The following MYO3A variants were observed in gnomAD, a reference collection of about 807,000 sequenced individuals.
MYO3A encodes the protein myosin IIIA, also known as myosin-IIIa.
Under a neutral mutation model 192.7 loss-of-function variants are expected in MYO3A, and 180 were observed. That is an observed-to-expected ratio of 0.93 (90% confidence interval 0.83 to 1.06). MYO3A has a LOEUF of 1.06. Among genes scored for constraint, MYO3A ranks in the 50% least tolerant of loss-of-function variants. The probability of loss-of-function intolerance (pLI) is 0.00; values close to 1 mark genes in which losing one functional copy is unlikely to be tolerated. For missense variants in MYO3A, 1,896 were observed against 1,905.0 expected (o/e 1.00, Z 0.09); for synonymous variants, 628 against 645.3 (o/e 0.97, Z 0.41).
At chr10:26,159,363 C>CTT (rs60037752) in intron 26 of MYO3A, among the ~76,000 whole-genome samples, 1 of 128,300 alleles carries the variant, frequency 7.8e-6, no homozygotes. Flanking sequence ...TTTTCTTTTT[C>CTT]TTTTTTTTTT....
chr10:25,935,198 G>A (rs898053872), intron 1 of MYO3A, among the ~76,000 whole-genome samples: 1 of 152,204 alleles, frequency 6.6e-6, no homozygotes, highest in African/African-American at 2.4e-5. Flanking sequence ...GACAAGAAAA[G>A]TATGATCATT....
intron 10 of MYO3A, among the ~76,000 whole-genome samples, chr10:26,059,894 G>C (rs896191559): frequency 6.6e-6 from 1 of 152,182 alleles, no homozygotes; most frequent in Non-Finnish European, 1.5e-5. Context: ...GGCTGAGGCG[G>C]ACGGATCACT....
intron 6 of MYO3A, among the ~76,000 whole-genome samples, chr10:26,004,920 G>A (rs1588753192): frequency 6.6e-6 from 1 of 152,204 alleles, no homozygotes; most frequent in African/African-American, 2.4e-5. Context: ...AGAAGAAATC[G>A]TGTAATTTTA....
At chr10:26,071,392 G>A (rs1393448337) in intron 14 of MYO3A, among the ~76,000 whole-genome samples, 1 of 152,018 alleles carries the variant, frequency 6.6e-6, no homozygotes, top group East Asian at 1.9e-4. Context: ...AACTCAAAGT[G>A]GATCATAGAT....
chr10:25,978,009 AT>A (rs992846994), intron 4 of MYO3A, among the ~76,000 whole-genome samples: 18 of 151,714 alleles, frequency 1.2e-4, no homozygotes, highest in South Asian at 1.0e-3. Context: ...TCTAATGTGA[AT>A]TTTTTTTTAA....
intron 6 of MYO3A, among the ~76,000 whole-genome samples, chr10:25,998,167 T>C (rs1337459220): frequency 1.3e-5 from 2 of 152,230 alleles, no homozygotes; most frequent in African/African-American, 2.4e-5. Flanking sequence ...TGGGACTGTG[T>C]CTTAGTCTAT....
Position 26,021,533 on chromosome 10 carries a change from A to C in MYO3A, c.616A>C (p.Thr206Pro), listed in dbSNP as rs755011053. Residue 206 changes from threonine (T) to proline (P), a missense_variant, in exon 8 of 35, where the codon ACT becomes CCT. Physicochemically the swap from Thr to Pro is conservative, Grantham distance 38. Coordinates refer to ENST00000642920, the MANE Select transcript of MYO3A (RefSeq NM_017433.5). The stretch of plus-strand genomic sequence containing the variant: ...TGCATGTGAACAGCAATTGGATACC[A>C]CTTATGACGCCAGATGTGACACTTG... ...VIACEQQLDT[T>P]YDARCDTWSL... is the part of the protein sequence containing the mutation. The C allele has an allele frequency of 1.2e-6, 2 of 1,614,126 alleles. No homozygotes were observed. Among genetic ancestry groups the C allele is most frequent in the South Asian group, 1.1e-5 (1 of 91,086 alleles).
At chr10:26,176,477 G>A (rs972781832) in intron 30 of MYO3A, among the ~76,000 whole-genome samples, 1 of 152,180 alleles carries the variant, frequency 6.6e-6, no homozygotes, top group African/African-American at 2.4e-5. Context: ...GACGTGCTTG[G>A]CAGTTTTAAA....
intron 10 of MYO3A, among the ~76,000 whole-genome samples, chr10:26,043,732 C>T (rs1843485336): frequency 6.6e-6 from 1 of 152,168 alleles, no homozygotes; most frequent in Non-Finnish European, 1.5e-5. Flanking sequence ...CTTTCCAGCC[C>T]AGGGCAGGTT....
At chr10:26,164,247 A>C (rs1384193811) in intron 26 of MYO3A, among the ~76,000 whole-genome samples, 1 of 152,220 alleles carries the variant, frequency 6.6e-6, no homozygotes, top group Non-Finnish European at 1.5e-5. Flanking sequence ...GCGAGGCTTA[A>C]GGTGTTTGCT....
At chr10:26,096,296 C>T (rs1000970217) in intron 15 of MYO3A, 85 bp from the exon 16 acceptor site, 19 of 1,014,460 alleles carry the variant, frequency 1.9e-5, no homozygotes, top group African/African-American at 3.2e-5. Context: ...CACTCACAGT[C>T]GTTGTTCAAA....
chr10:26,022,447 G>A (rs1248910255), intron 8 of MYO3A: 3 of 152,004 alleles, frequency 2.0e-5, no homozygotes, highest in Non-Finnish European at 4.4e-5. Flanking sequence ...TAGAATATTT[G>A]GCATCTAACT....
chr10:26,169,917 T>C (rs952820031), intron 28 of MYO3A, among the ~76,000 whole-genome samples: 4 of 152,196 alleles, frequency 2.6e-5, no homozygotes, highest in Non-Finnish European at 4.4e-5. Flanking sequence ...TTAGTAAAAA[T>C]ATTCTGTTTT....
At chr10:26,030,277 G>A (rs560803787) in intron 10 of MYO3A, among the ~76,000 whole-genome samples, 26 of 152,028 alleles carry the variant, frequency 1.7e-4, no homozygotes, top group African/African-American at 5.8e-4. Context: ...CTGTTAGGTC[G>A]TCTCTAATGC....
chr10:26,020,287 A>G (rs1010379151), intron 7 of MYO3A, among the ~76,000 whole-genome samples: 3 of 152,108 alleles, frequency 2.0e-5, no homozygotes, highest in Non-Finnish European at 4.4e-5. Context: ...CCTTCTTTTT[A>G]CTTTTTAATC....
intron 15 of MYO3A, among the ~76,000 whole-genome samples, chr10:26,095,022 G>C (rs533705495): frequency 6.6e-5 from 10 of 152,100 alleles, no homozygotes; most frequent in Non-Finnish European, 1.2e-4. Context: ...GGCTGTGGAG[G>C]GGGTGAAGGA....
At chr10:25,996,860 A>G (rs1840476023) in intron 5 of MYO3A, among the ~76,000 whole-genome samples, 1 of 152,158 alleles carries the variant, frequency 6.6e-6, no homozygotes. Context: ...AACTAATAAT[A>G]GGGTTTTTTG....
intron 18 of MYO3A, among the ~76,000 whole-genome samples, chr10:26,123,171 T>C (rs940470307): frequency 1.3e-5 from 2 of 152,214 alleles, no homozygotes; most frequent in Admixed American, 6.5e-5. Context: ...TTGAAGTTTA[T>C]GTGTAGAAAA....
intron 6 of MYO3A, among the ~76,000 whole-genome samples, chr10:26,003,680 A>G (rs1010107706): frequency 6.6e-6 from 1 of 151,860 alleles, no homozygotes; most frequent in Non-Finnish European, 1.5e-5. Context: ...CTGAAAAAAA[A>G]CAATCTTTAT....
Sources: gnomAD v4.1 joint callset for allele counts (sites outside exome capture counted in the v4.1 genomes callset) on GRCh38, gnomAD v4.1.1 for gene constraint, MANE v1.5 for transcripts, NCBI Gene and HGNC (gene_info 2026-07-23, HGNC 2026-07-21) for gene names.